The following PCDHGB2 variants were observed in gnomAD, a reference collection of about 807,000 sequenced individuals.
PCDHGB2 encodes protocadherin gamma subfamily B, 2, also known as protocadherin gamma-B2.
PCDHGB2 carries 55 observed loss-of-function variants against 59.3 expected under a neutral mutation model. The ratio of observed to expected loss-of-function variants is 0.93; its 90% CI spans 0.75 to 1.16. The LOEUF is 1.16. Among genes scored for constraint, PCDHGB2 ranks in the 50% most tolerant of loss-of-function variants. The pLI, the probability that PCDHGB2 is intolerant of heterozygous loss-of-function variation, is 0.00. For synonymous variants in PCDHGB2, 516 were observed against 512.0 expected (o/e 1.01, Z -0.11); for missense variants, 1,228 against 1,198.5 (o/e 1.02, Z -0.36).
At chr5:141,437,035 C>T (rs991186972) in intron 1 of PCDHGB2, among the ~76,000 whole-genome samples, 1 of 152,120 alleles carries the variant, frequency 6.6e-6, no homozygotes, top group Non-Finnish European at 1.5e-5. Context: ...AATGGATCAC[C>T]GAAACCAGAA....
chr5:141,433,142 G>A, intron 1 of PCDHGB2: 2 of 1,614,108 alleles, frequency 1.2e-6, no homozygotes, highest in African/African-American at 1.3e-5. Flanking sequence ...TTTGCTGTCA[G>A]GTGATTCGGT....
At chr5:141,422,424 T>G (rs1182660567) in intron 1 of PCDHGB2, 3 of 1,607,958 alleles carry the variant, frequency 1.9e-6, no homozygotes, top group Non-Finnish European at 2.5e-6. Flanking sequence ...AAAAGACTTA[T>G]GGAAATTATT....
At chr5:141,382,541 T>G (rs1388934219) in intron 1 of PCDHGB2, among the ~76,000 whole-genome samples, 2 of 152,224 alleles carry the variant, frequency 1.3e-5, no homozygotes, top group African/African-American at 4.8e-5. Context: ...GATTTTTAAT[T>G]ATCAGGGATA....
chr5:141,433,199 A>G (rs2097574804), intron 1 of PCDHGB2: 1 of 1,579,570 alleles, frequency 6.3e-7, no homozygotes, highest in Non-Finnish European at 8.6e-7. Context: ...TTTATATCAA[A>G]TCTTCTTTCT....
intron 1 of PCDHGB2, chr5:141,375,586 G>A: frequency 6.2e-7 from 1 of 1,614,128 alleles, no homozygotes; most frequent in Non-Finnish European, 8.5e-7. Flanking sequence ...GGGCGCCCCT[G>A]TCCTCCTACG....
intron 1 of PCDHGB2, chr5:141,373,940 C>T: frequency 1.4e-6 from 1 of 716,494 alleles, no homozygotes; most frequent in East Asian, 3.0e-5. Flanking sequence ...AGCAGGAAAG[C>T]TGTGCAGAAA....
In PCDHGB2 at chr5:141,361,524, GA is replaced by G; in HGVS notation, c.1391del (p.Asn464ThrfsTer29). The G allele has an allele frequency of 6.2e-7, 1 of 1,614,056 alleles. No individual in the cohort carries two copies. Among genetic ancestry groups the G allele is most frequent in the Non-Finnish European group, 8.5e-7 (1 of 1,179,902 alleles). ...QTSYMVHVAE[N>X]NPPGASIAQI... is the part of the protein sequence containing the mutation. ...CTTCCTACATGGTTCACGTGGCAGA[GA>G]ACAATCCTCCTGGCGCCTCTATCGC... On this transcript the variant is annotated frameshift_variant, in exon 1 of 4. Transcript: ENST00000522605. LOFTEE classifies it high-confidence loss of function.
At chr5:141,459,632 A>G (rs1202000974) in intron 1 of PCDHGB2, among the ~76,000 whole-genome samples, 1 of 152,214 alleles carries the variant, frequency 6.6e-6, no homozygotes, top group East Asian at 1.9e-4. Flanking sequence ...AAGCTGCCAA[A>G]CTATTTTTCA....
At position 141,432,015 on chromosome 5, in the gene PCDHGB2, A is replaced by G. The variant is rs745405194; in HGVS notation, c.2422-62792A>G. 6.2e-7 allele frequency: 1 copy of G among 1,614,196 alleles called. No individual in the cohort carries two copies. Among genetic ancestry groups the G allele is most frequent in the Admixed American group, 1.7e-5 (1 of 60,032 alleles). On this transcript the variant is annotated intron_variant, in intron 1 of 3. Coordinates refer to ENST00000522605, the MANE Select transcript of PCDHGB2 (RefSeq NM_018923.3). The surrounding 1 kb of genome is among the most constrained non-coding windows in gnomAD (Gnocchi z 6.0). ...GATAGGGAACAGGTTCCTAGCTACA[A>G]CATCACAGTGACCGCCACTGACCGG...
At chr5:141,495,779 C>A (rs529564820) in intron 2 of PCDHGB2, among the ~76,000 whole-genome samples, 53 of 152,094 alleles carry the variant, frequency 3.5e-4, no homozygotes, top group Non-Finnish European at 4.6e-4. Flanking sequence ...TCCTGGACCT[C>A]TTTTCTGTTT....
intron 3 of PCDHGB2, among the ~76,000 whole-genome samples, chr5:141,508,649 C>T (rs1303066200): frequency 6.6e-6 from 1 of 152,126 alleles, no homozygotes; most frequent in Non-Finnish European, 1.5e-5. Flanking sequence ...CCGTCAGGCC[C>T]TTCCTGTCAT....
chr5:141,492,316 G>C (rs1283387204), intron 1 of PCDHGB2, among the ~76,000 whole-genome samples: 1 of 152,190 alleles, frequency 6.6e-6, no homozygotes. Context: ...CGCACTCCTC[G>C]CACGTGGGCT....
intron 1 of PCDHGB2, chr5:141,414,202 G>A: frequency 6.2e-7 from 1 of 1,611,912 alleles, no homozygotes; most frequent in Non-Finnish European, 8.5e-7. Flanking sequence ...TACAGTAGAA[G>A]ATGTAAATGA....
At position 141,431,017 on chromosome 5, in the gene PCDHGB2, G is replaced by A. The variant is rs768036730; in HGVS notation, c.2422-63790G>A. 2.5e-6 allele frequency: 4 copies of A among 1,613,768 alleles called. No homozygotes were observed. Among genetic ancestry groups the A allele is most frequent in the South Asian group, 1.1e-5 (1 of 91,084 alleles). ...ATCCGCGCAGCGGCAGCTTGGTCAC[G>A]GCGGGCAGGATAGACCGGGAGGAGC... On this transcript the variant is annotated intron_variant, in intron 1 of 3. Transcript: ENST00000522605. This position sits in a 1 kb window ranked among gnomAD's most constrained non-coding sequence, Gnocchi z 4.8.
chr5:141,449,098 G>A (rs1314761371), intron 1 of PCDHGB2, among the ~76,000 whole-genome samples: 1 of 152,140 alleles, frequency 6.6e-6, no homozygotes, highest in Admixed American at 6.5e-5. Context: ...TTTTACATAT[G>A]CAGTATATCT....
intron 2 of PCDHGB2, among the ~76,000 whole-genome samples, chr5:141,503,432 TA>T (rs1423418926): frequency 6.6e-6 from 1 of 151,668 alleles, no homozygotes; most frequent in African/African-American, 2.4e-5. Flanking sequence ...CCATCTCTAC[TA>T]AAAATACAAA....
At position 141,376,027 on chromosome 5, in the gene PCDHGB2, C is replaced by T. The variant is rs750383085; in HGVS notation, c.2421+13471C>T. The T allele has an allele frequency of 1.9e-6, 3 of 1,613,250 alleles. No homozygotes were observed. In the East Asian group the frequency reaches 6.7e-5, roughly 36 times the overall value. ...AGAGCCTAGTGGTGGCCGTCCAGGACCACGGCCAGCCCCCTCTCTCCGCCA... is the reference window on the plus strand; with the variant it reads ...AGAGCCTAGTGGTGGCCGTCCAGGATCACGGCCAGCCCCCTCTCTCCGCCA... On this transcript the variant is annotated intron_variant, in intron 1 of 3. Coordinates refer to ENST00000522605, the MANE Select transcript of PCDHGB2 (RefSeq NM_018923.3).
intron 1 of PCDHGB2, chr5:141,370,515 C>T (rs570951423): frequency 6.2e-7 from 1 of 1,613,860 alleles, no homozygotes; most frequent in South Asian, 1.1e-5. Context: ...TCCCGAGGAG[C>T]TGGACAGGGG....
In PCDHGB2 at chr5:141,490,007, C is replaced by T. The variant is rs766407642; in HGVS notation, c.2422-4800C>T. On this transcript the variant is annotated intron_variant, in intron 1 of 3. Coordinates refer to ENST00000522605, the MANE Select transcript of PCDHGB2 (RefSeq NM_018923.3). The surrounding 1 kb of genome is among the most constrained non-coding windows in gnomAD (Gnocchi z 5.4). ...CGTGTGGGAATCCCAGAGAATGCACCCATTGGTACTCTGCTGCTCCGCCTC... is the reference window on the plus strand; with the variant it reads ...CGTGTGGGAATCCCAGAGAATGCACTCATTGGTACTCTGCTGCTCCGCCTC... 6.2e-7 allele frequency: 1 copy of T among 1,614,200 alleles called. No homozygotes were observed. The highest frequency in any genetic ancestry group is 8.5e-7 in the Non-Finnish European group (1 of 1,180,016).
Sources: gnomAD v4.1 joint callset for allele counts (sites outside exome capture counted in the v4.1 genomes callset) on GRCh38, gnomAD v4.1.1 for gene constraint, Gnocchi (gnomAD v3.1) non-coding constraint, MANE v1.5 for transcripts, NCBI Gene and HGNC (gene_info 2026-07-23, HGNC 2026-07-21) for gene names.